The following OGT variants were observed in gnomAD, a reference collection of about 807,000 sequenced individuals.
OGT encodes O-linked N-acetylglucosamine (GlcNAc) transferase.
OGT carries 3 observed loss-of-function variants against 75.8 expected under a neutral mutation model. The observed-to-expected ratio is 0.04, with a 90% CI of 0.02 to 0.10. The LOEUF is 0.10. Among genes scored for constraint, OGT ranks in the 10% least tolerant of loss-of-function variants. The pLI, the probability that OGT is intolerant of heterozygous loss-of-function variation, is 1.00. For missense variants in OGT, 260 were observed against 824.4 expected (o/e 0.32, Z 8.38); for synonymous variants, 257 against 289.7 (o/e 0.89, Z 1.15).
intron 3 of OGT, among the ~76,000 whole-genome samples, chrX:71,543,048 C>T (rs765162217): frequency 3.6e-5 from 4 of 111,183 alleles, no homozygotes; most frequent in African/African-American, 1.3e-4. Context: ...TATGGCTGAC[C>T]GTAAGATTGT....
intron 4 of OGT, chrX:71,547,317 C>A: frequency 1.4e-6 from 1 of 724,770 alleles, no homozygotes; most frequent in Non-Finnish European, 1.6e-6. Context: ...TCATAGTATT[C>A]TAATAAAATG....
At chrX:71,572,433 A>G (rs936119781) in intron 21 of OGT, among the ~76,000 whole-genome samples, 5 of 112,594 alleles carry the variant, frequency 4.4e-5, no homozygotes, top group Admixed American at 9.4e-5. Context: ...TATTGAGACC[A>G]ACAGATATGC....
chrX:71,553,010 A>G (rs1380311451), intron 5 of OGT, among the ~76,000 whole-genome samples: 2 of 112,452 alleles, frequency 1.8e-5, no homozygotes, highest in Non-Finnish European at 1.9e-5. Context: ...TGGGGTGGAC[A>G]TCTATCACTA....
chrX:71,543,734 ATG>A (rs1156448647), intron 3 of OGT, among the ~76,000 whole-genome samples: 188 of 82,413 alleles, frequency 2.3e-3, no homozygotes, highest in Admixed American at 8.4e-3. Context: ...AATATTTGAG[ATG>A]TGTGTGTGTG....
At chrX:71,557,865 G>A (rs1011240335) in intron 12 of OGT, among the ~76,000 whole-genome samples, 193 bp downstream of exon 12, 5 of 111,503 alleles carry the variant, frequency 4.5e-5, no homozygotes, top group African/African-American at 9.8e-5. Context: ...TTCATAAGAC[G>A]GAATCCTTAA....
chrX:71,563,061 G>T (rs138432526), intron 16 of OGT, 44 bp downstream of exon 16: 2 of 1,189,944 alleles, frequency 1.7e-6, no homozygotes, highest in African/African-American at 3.5e-5. Context: ...AAGAACTGTA[G>T]CTTTTTATTT....
intron 3 of OGT, among the ~76,000 whole-genome samples, chrX:71,540,034 T>C (rs966652018): frequency 3.6e-5 from 4 of 112,527 alleles, no homozygotes; most frequent in African/African-American, 1.3e-4. Context: ...ACCAAGGAAG[T>C]GAGATAGTAC....
intron 13 of OGT, 46 bp downstream of exon 13, chrX:71,559,471 A>G: frequency 1.7e-6 from 2 of 1,160,233 alleles, no homozygotes; most frequent in South Asian, 1.9e-5. Context: ...TAAAAAAGAA[A>G]AAACCCACAA....
intron 15 of OGT, among the ~76,000 whole-genome samples, chrX:71,562,601 C>T (rs983798939): frequency 8.9e-6 from 1 of 112,409 alleles, no homozygotes; most frequent in Non-Finnish European, 1.9e-5. Context: ...TAGTGATCTA[C>T]GATTGCACCA....
intron 4 of OGT, chrX:71,544,890 G>A (rs747846936): frequency 4.7e-5 from 16 of 338,962 alleles, no homozygotes; most frequent in Middle Eastern, 8.6e-4. Flanking sequence ...ACTGGGCTCC[G>A]TCATGATCTT....
Position 71,533,126 on chromosome X carries a change from A to G in OGT, c.-174A>G. 4.3e-6 allele frequency: 2 copies of G among 469,437 alleles called. No individual in the cohort carries two copies. The highest frequency in any genetic ancestry group is 3.2e-5 in the Admixed American group (1 of 30,889). The allele number at this position is 469,437 out of a possible 1,213,427, so 38.7% of individuals were successfully genotyped here. On this transcript the variant is annotated 5_prime_UTR_variant, in exon 1 of 22. The change abolishes an upstream ATG in the 5' untranslated region. Coordinates refer to ENST00000373719, the MANE Select transcript of OGT (RefSeq NM_181672.3). Reference sequence around the variant, plus strand: ...GCCATTTCAAGACCGTACTAGGTAGATGGTCAATTAGAGTTCCCAGGGTTT... The same window carrying G: ...GCCATTTCAAGACCGTACTAGGTAGGTGGTCAATTAGAGTTCCCAGGGTTT...
At chrX:71,556,199 A>G in intron 8 of OGT, 105 bp downstream of exon 8, 8 of 899,471 alleles carry the variant, frequency 8.9e-6, no homozygotes, top group Non-Finnish European at 1.3e-5. Flanking sequence ...TGAATCATTT[A>G]CAAGAGGATT....
chrX:71,556,705 A>G lies in OGT; in HGVS notation c.1091A>G (p.His364Arg). The G allele has an allele frequency of 8.4e-7, 1 of 1,195,878 alleles. No homozygotes were observed. Among genetic ancestry groups the G allele is most frequent in the Non-Finnish European group, 1.1e-6 (1 of 886,342 alleles). Reference sequence around the variant, plus strand: ...GTCTTCCCAGAGTTTGCTGCTGCCCATTCAAATTTAGCAAGTGTACTGCAG... The same window carrying G: ...GTCTTCCCAGAGTTTGCTGCTGCCCGTTCAAATTTAGCAAGTGTACTGCAG... Reference protein sequence around the residue: ...LEVFPEFAAAHSNLASVLQQQ... With the variant: ...LEVFPEFAAARSNLASVLQQQ... The change falls in exon 9 of 22, where the codon CAT becomes CGT. Residue 364 changes from histidine (H) to arginine (R), a missense_variant. By Grantham distance (29) the His-to-Arg change is conservative. This residue lies in a region of OGT where 99 missense variants were observed against 417.9 expected (regional missense o/e 0.24). Transcript: ENST00000373719.
chrX:71,556,933 C>T lies in OGT; in HGVS notation c.1167-19C>T. The T allele has an allele frequency of 8.4e-7, 1 of 1,194,661 alleles. No homozygotes were observed. ...AGATTTTTGTATTGGAGAAATAAAACCTTTGGCTTCTCTTTTAGAATCAGT... is the reference window on the plus strand; with the variant it reads ...AGATTTTTGTATTGGAGAAATAAAATCTTTGGCTTCTCTTTTAGAATCAGT... On this transcript the variant is annotated intron_variant, in intron 9 of 21. Transcript: ENST00000373719.
Position 71,561,831 on chromosome X carries a change from T to C in OGT, c.1908T>C (p.Leu636=), listed in dbSNP as rs777443209. ...DRIHQDGIHI[L]VNMNGYTKGA... ...TCCATCAGGATGGAATTCATATCCT[T>C]GTAAATATGAATGGCTATACTAAGG... is the stretch of plus-strand genomic sequence containing the variant. Residue 636 remains leucine, a synonymous_variant, in exon 15 of 22, where the codon CTT becomes CTC. Coordinates refer to ENST00000373719, the MANE Select transcript of OGT (RefSeq NM_181672.3). 3 of 1,203,436 alleles carry C rather than the reference T, an allele frequency of 2.5e-6. No homozygotes were observed. In the South Asian group the frequency reaches 5.3e-5, roughly 21 times the overall value.
intron 5 of OGT, among the ~76,000 whole-genome samples, chrX:71,551,160 A>G (rs777203796): frequency 8.9e-6 from 1 of 112,425 alleles, no homozygotes; most frequent in East Asian, 2.8e-4. Flanking sequence ...CCATAAATAT[A>G]CACAATTATA....
intron 15 of OGT, 104 bp downstream of exon 15, chrX:71,562,004 C>A: frequency 1.2e-6 from 1 of 824,534 alleles, no homozygotes; most frequent in Non-Finnish European, 1.7e-6. Context: ...AACTGTAGGG[C>A]AGACATACTT....
At chrX:71,564,390 C>CT (rs1257970522) in intron 18 of OGT, among the ~76,000 whole-genome samples, 1 of 111,713 alleles carries the variant, frequency 9.0e-6, no homozygotes, top group African/African-American at 3.3e-5. Flanking sequence ...ATTTTGAGAC[C>CT]TTTTTTGGTT....
chrX:71,548,098 G>T (rs2040274702), intron 5 of OGT, 75 bp downstream of exon 5: 1 of 988,980 alleles, frequency 1.0e-6, no homozygotes, highest in Admixed American at 2.5e-5. Flanking sequence ...CTAAATAATA[G>T]GTCTTAGCCA....
Sources: gnomAD v4.1 joint callset for allele counts (sites outside exome capture counted in the v4.1 genomes callset) on GRCh38, gnomAD v4.1.1 for gene constraint, gnomAD v4.1.1 regional missense constraint, MANE v1.5 for transcripts, NCBI Gene and HGNC (gene_info 2026-07-23, HGNC 2026-07-21) for gene names.